The following TMEM233 variants were observed in gnomAD, a reference collection of about 807,000 sequenced individuals.
The protein encoded by TMEM233 is transmembrane protein 233, also known as dispanin subfamily B member 2.
TMEM233 carries 6 observed loss-of-function variants against 11.2 expected under a neutral mutation model. The observed-to-expected ratio is 0.54, with a 90% CI of 0.29 to 1.06. The LOEUF (loss-of-function observed/expected upper bound fraction) is 1.06, where lower values mean the gene tolerates loss of function less well. Among genes scored for constraint, TMEM233 ranks in the 50% least tolerant of loss-of-function variants. The pLI, the probability that TMEM233 is intolerant of heterozygous loss-of-function variation, is 0.08. For missense variants in TMEM233, 127 were observed against 144.7 expected, an observed-to-expected ratio of 0.88 and a Z score of 0.63; for synonymous variants, 59 against 55.8, an observed-to-expected ratio of 1.06 and a Z score of -0.26.
chr12:119,621,764 G>T (rs905109589), intron 1 of TMEM233, among the ~76,000 whole-genome samples: 2 of 152,132 alleles, frequency 1.3e-5, no homozygotes, highest in South Asian at 4.1e-4. Flanking sequence ...TTGTTATTTT[G>T]TCAAAGAAAG....
At chr12:119,614,911 T>C (rs1954489829) in intron 1 of TMEM233, among the ~76,000 whole-genome samples, 1 of 152,120 alleles carries the variant, frequency 6.6e-6, no homozygotes, top group African/African-American at 2.4e-5. Context: ...ATGACTAATA[T>C]AGCTCCTGGC....
intron 1 of TMEM233, among the ~76,000 whole-genome samples, chr12:119,599,261 G>A (rs890209451): frequency 3.3e-5 from 5 of 152,116 alleles, no homozygotes; most frequent in African/African-American, 9.7e-5. Context: ...TAACTTAATT[G>A]TAATTTTTAA....
At chr12:119,615,205 A>C (rs1764281607) in intron 1 of TMEM233, among the ~76,000 whole-genome samples, 1 of 116,902 alleles carries the variant, frequency 8.6e-6, no homozygotes, top group Non-Finnish European at 1.8e-5. Flanking sequence ...AAAAAAAAAA[A>C]ACTGCCTCCT....
At chr12:119,600,192 CAA>C (rs55708484) in intron 1 of TMEM233, among the ~76,000 whole-genome samples, 571 of 117,726 alleles carry the variant, frequency 4.9e-3, no homozygotes, top group South Asian at 0.012. Flanking sequence ...CTGCAGTTTA[CAA>C]AAAAAAAAAA....
At chr12:119,599,906 G>A (rs542671268) in intron 1 of TMEM233, among the ~76,000 whole-genome samples, 12 of 152,218 alleles carry the variant, frequency 7.9e-5, no homozygotes, top group African/African-American at 2.6e-4. Context: ...AGCTGAAAAC[G>A]AGATTAATGG....
At chr12:119,646,021 C>A (rs368959855), downstream of TMEM233, among the ~76,000 whole-genome samples, 14 of 151,764 alleles carry the variant, frequency 9.2e-5, no homozygotes, top group African/African-American at 3.1e-4. Context: ...ATAAATATTT[C>A]TTGAGCCATT....
chr12:119,599,339 C>A (rs1199678619), intron 1 of TMEM233, among the ~76,000 whole-genome samples: 5 of 152,140 alleles, frequency 3.3e-5, no homozygotes. Context: ...ATGGATACCC[C>A]ATTCTCCATG....
chr12:119,628,163 TA>T (rs1954801434), intron 1 of TMEM233, among the ~76,000 whole-genome samples: 1 of 151,374 alleles, frequency 6.6e-6, no homozygotes, highest in South Asian at 2.1e-4. Context: ...TTATTTTTTT[TA>T]TTTTTATTTT....
intron 2 of TMEM233, chr12:119,631,785 C>A (rs1012571864): frequency 2.7e-6 from 1 of 376,284 alleles, no homozygotes; most frequent in East Asian, 1.6e-4. Flanking sequence ...CCTCAGTTTC[C>A]TCACCTGTAA....
At chr12:119,647,901 C>G (rs1036986834), downstream of TMEM233, among the ~76,000 whole-genome samples, 2 of 149,562 alleles carry the variant, frequency 1.3e-5, no homozygotes, top group Non-Finnish European at 3.0e-5. Context: ...TTTAATGATA[C>G]CCCGCAAAGC....
intron 1 of TMEM233, among the ~76,000 whole-genome samples, chr12:119,615,482 A>G (rs73221243): frequency 0.023 from 3,527 of 152,340 alleles, 64 homozygotes; most frequent in South Asian, 0.04. Context: ...CCACCCCCAG[A>G]GAGCCTGATT....
chr12:119,628,228 C>T (rs1460945191), intron 1 of TMEM233, among the ~76,000 whole-genome samples: 1 of 151,408 alleles, frequency 6.6e-6, no homozygotes, highest in Non-Finnish European at 1.5e-5. Context: ...GCAAAAATCT[C>T]AGCTCACTGC....
the TMEM233 span, among the ~76,000 whole-genome samples, chr12:119,649,905 T>A: frequency 2.1e-5 from 3 of 140,192 alleles, no homozygotes; most frequent in East Asian, 2.3e-4. Context: ...ACGCCTGTAA[T>A]CCCAGCACTT....
chr12:119,629,882 C>T lies in TMEM233; in HGVS notation c.323+10C>T. 1 of 1,548,086 alleles carries T rather than the reference C, an allele frequency of 6.5e-7. No homozygotes were observed. The highest frequency in any genetic ancestry group is 1.2e-5 in the South Asian group (1 of 83,424). Reference sequence around the variant, plus strand: ...TTCACTTCACAAGGAAGTAAGTAGGCTTTTTGAATCCCTCCCCATGTCAAA... The same window carrying T: ...TTCACTTCACAAGGAAGTAAGTAGGTTTTTTGAATCCCTCCCCATGTCAAA... On this transcript the variant is annotated intron_variant, in intron 2 of 2. Coordinates refer to ENST00000426426, the MANE Select transcript of TMEM233 (RefSeq NM_001136534.3).
chr12:119,605,553 C>T lies in TMEM233; in HGVS notation c.186+11519C>T, dbSNP rs557612867. Among the ~76,000 whole-genome samples, 104 of 151,652 alleles carry T rather than the reference C, an allele frequency of 6.9e-4. 1 individual carries two copies. The South Asian group carries it at 0.016, about 23-fold the overall frequency. On this transcript the variant is annotated intron_variant, in intron 1 of 2. Transcript: ENST00000426426. ...AGTCGATCCTCCCAGTTCAGCCTCC[C>T]AGGCAGCTGGAACTATAGGCACGCA... is the stretch of plus-strand genomic sequence containing the variant.
intron 1 of TMEM233, among the ~76,000 whole-genome samples, chr12:119,627,350 A>C (rs1409850817): frequency 6.6e-6 from 1 of 152,212 alleles, no homozygotes; most frequent in Non-Finnish European, 1.5e-5. Flanking sequence ...GTGTCAGTCC[A>C]TTTTGCACTG....
At chr12:119,618,760 C>A (rs757824947) in intron 1 of TMEM233, among the ~76,000 whole-genome samples, 4 of 152,100 alleles carry the variant, frequency 2.6e-5, no homozygotes, top group Non-Finnish European at 5.9e-5. Context: ...GACTAACTTG[C>A]TTTTGGTTTT....
At chr12:119,633,385 A>G (rs1490226769) in intron 2 of TMEM233, among the ~76,000 whole-genome samples, 2 of 152,060 alleles carry the variant, frequency 1.3e-5, no homozygotes, top group Non-Finnish European at 2.9e-5. Flanking sequence ...TTCCTTGACC[A>G]GCCTGGGCAA....
At chr12:119,627,618 G>C (rs956441446) in intron 1 of TMEM233, among the ~76,000 whole-genome samples, 1 of 152,134 alleles carries the variant, frequency 6.6e-6, no homozygotes, top group Admixed American at 6.5e-5. Flanking sequence ...CATTACTGCA[G>C]GGAGGGCACC....
Sources: allele counts gnomAD v4.1 joint callset (sites outside exome capture counted in the v4.1 genomes callset), GRCh38; gene constraint gnomAD v4.1.1; transcripts MANE v1.5; gene names NCBI Gene and HGNC (gene_info 2026-07-23, HGNC 2026-07-21).